EML5: variants seen among roughly 807,000 people sequenced by gnomAD.
EML5 encodes EMAP like 5, also known as echinoderm microtubule-associated protein-like 5.
In EML5, 120 loss-of-function variants were observed where a neutral mutation model predicts 250.0. The ratio of observed to expected loss-of-function variants is 0.48; its 90% CI spans 0.41 to 0.56. The LOEUF is 0.56. Ranked by LOEUF, EML5 falls within the 20% of genes least tolerant of loss-of-function variation. The pLI, the probability that EML5 is intolerant of heterozygous loss-of-function variation, is 0.00. For missense variants in EML5, 2,006 were observed against 2,437.6 expected, an observed-to-expected ratio of 0.82 and a Z score of 3.73; for synonymous variants, 771 against 806.5, an observed-to-expected ratio of 0.96 and a Z score of 0.75.
Position 88,618,634 on chromosome 14 carries a change from A to C in EML5, c.5538+16T>G. On this transcript the variant is annotated intron_variant, in intron 40 of 43. Coordinates refer to ENST00000554922, the MANE Select transcript of EML5 (RefSeq NM_183387.3). ...AGAAGAACTTGCCACCTGGGTATACAGTATTGGTACTGTACCTGGAGATAA... is the reference window on the plus strand; with the variant it reads ...AGAAGAACTTGCCACCTGGGTATACCGTATTGGTACTGTACCTGGAGATAA... 6.3e-7 allele frequency: 1 copy of C among 1,598,258 alleles called. No homozygotes were observed. Among genetic ancestry groups the C allele is most frequent in the Non-Finnish European group, 8.5e-7 (1 of 1,173,766 alleles).
At chr14:88,622,794 A>G (rs184503352) in intron 36 of EML5, 76 bp from the exon 37 acceptor site, 1 of 970,054 alleles carries the variant, frequency 1.0e-6, no homozygotes, top group African/African-American at 2.1e-5. Flanking sequence ...ATACCAAGTT[A>G]TAAGCAGAAT....
intron 41 of EML5, 189 bp from the exon 42 acceptor site, chr14:88,617,068 CATTTT>C: frequency 2.2e-6 from 1 of 454,292 alleles, no homozygotes; most frequent in African/African-American, 1.9e-5. Context: ...TTAAAAATGA[CATTTT>C]ATAATTTGAA....
chr14:88,727,658 A>G (rs1159901335), intron 7 of EML5, among the ~76,000 whole-genome samples: 1 of 152,164 alleles, frequency 6.6e-6, no homozygotes, highest in Admixed American at 6.5e-5. Flanking sequence ...TTGGCCTCCC[A>G]AAGTGCTGGG....
intron 21 of EML5, among the ~76,000 whole-genome samples, chr14:88,666,137 C>A (rs1030113636): frequency 1.3e-5 from 2 of 152,044 alleles, no homozygotes; most frequent in Non-Finnish European, 2.9e-5. Flanking sequence ...CATAAAAAGC[C>A]AATGATATAT....
At chr14:88,672,067 G>GA (rs1438663773) in intron 21 of EML5, among the ~76,000 whole-genome samples, 1 of 152,126 alleles carries the variant, frequency 6.6e-6, no homozygotes, top group Non-Finnish European at 1.5e-5. Flanking sequence ...GATATCTACA[G>GA]AACTCTCCAA....
At chr14:88,688,848 T>C (rs2092897451) in intron 17 of EML5, among the ~76,000 whole-genome samples, 1 of 152,244 alleles carries the variant, frequency 6.6e-6, no homozygotes, top group Non-Finnish European at 1.5e-5. Context: ...AACTGAAATG[T>C]CATGCCAACC....
intron 9 of EML5, among the ~76,000 whole-genome samples, chr14:88,713,116 G>T (rs1221749363): frequency 6.6e-6 from 1 of 152,162 alleles, no homozygotes; most frequent in Non-Finnish European, 1.5e-5. Flanking sequence ...CAGTGGCTGG[G>T]TGCAGTGGCT....
chr14:88,733,975 A>T (rs1361924589), intron 7 of EML5, among the ~76,000 whole-genome samples: 1 of 151,796 alleles, frequency 6.6e-6, no homozygotes, highest in Non-Finnish European at 1.5e-5. Flanking sequence ...CAACAACAAC[A>T]AGAATTTTTG....
intron 1 of EML5, among the ~76,000 whole-genome samples, chr14:88,789,683 T>A (rs1452450899): frequency 8.2e-6 from 1 of 121,844 alleles, no homozygotes; most frequent in Non-Finnish European, 1.7e-5. Context: ...GAGAAAATGA[T>A]GAAATGTCAT....
intron 25 of EML5, among the ~76,000 whole-genome samples, chr14:88,659,353 G>A (rs1365690574): frequency 2.6e-5 from 4 of 151,950 alleles, no homozygotes; most frequent in African/African-American, 9.7e-5. Flanking sequence ...TGGGAATACA[G>A]GGACCCGCCA....
chr14:88,637,599 C>T (rs1403282192), intron 32 of EML5, among the ~76,000 whole-genome samples: 1 of 152,062 alleles, frequency 6.6e-6, no homozygotes, highest in Non-Finnish European at 1.5e-5. Flanking sequence ...GTAAGTAGCC[C>T]ATATCCCCAG....
Position 88,638,872 on chromosome 14 carries a change from T to C in EML5, c.4273A>G (p.Ile1425Val). ...TGCTGGTTTACTGTGAGGCACAGAATATCATCATTATGTTCCTGATAAAAA... is the reference window on the plus strand; with the variant it reads ...TGCTGGTTTACTGTGAGGCACAGAACATCATCATTATGTTCCTGATAAAAA... ...QSFYQEHNDD[I>V]LCLTVNQHPK... Residue 1425 changes from isoleucine (I) to valine (V), a missense_variant, in exon 32 of 44, where the codon ATT becomes GTT. Physicochemically the swap from Ile to Val is conservative, Grantham distance 29. Transcript: ENST00000554922. 6.3e-7 allele frequency: 1 copy of C among 1,595,134 alleles called. No homozygotes were observed. The highest frequency in any genetic ancestry group is 8.5e-7 in the Non-Finnish European group (1 of 1,170,310).
intron 14 of EML5, among the ~76,000 whole-genome samples, chr14:88,697,845 C>A (rs917247448): frequency 2.0e-5 from 3 of 152,120 alleles, no homozygotes; most frequent in Non-Finnish European, 4.4e-5. Context: ...AGGTGATTCT[C>A]TTACCTCAGC....
chr14:88,734,863 G>A (rs1030656809), intron 7 of EML5, among the ~76,000 whole-genome samples: 10 of 152,006 alleles, frequency 6.6e-5, no homozygotes, highest in African/African-American at 2.2e-4. Flanking sequence ...AGGGAAGGAA[G>A]AAAGCTGTAG....
At chr14:88,693,461 GA>G (rs2093004662) in intron 17 of EML5, among the ~76,000 whole-genome samples, 1 of 152,156 alleles carries the variant, frequency 6.6e-6, no homozygotes, top group Non-Finnish European at 1.5e-5. Flanking sequence ...ACTTCCACAA[GA>G]ACAGTATGGC....
rs142634209 is a variant in EML5, at chr14:88,769,913, T to C, written c.198-15242A>G. On this transcript the variant is annotated intron_variant, in intron 1 of 43. Coordinates refer to ENST00000554922, the MANE Select transcript of EML5 (RefSeq NM_183387.3). Reference sequence around the variant, plus strand: ...TAGTAGACACAAAGACAGTTCAGAATTGGTAGCCCTGTGGAGGACAATTTT... The same window carrying C: ...TAGTAGACACAAAGACAGTTCAGAACTGGTAGCCCTGTGGAGGACAATTTT... 2.5e-3 allele frequency among the ~76,000 whole-genome samples: 382 copies of C among 152,258 alleles called. 2 individuals are homozygous for C. Among genetic ancestry groups the C allele is most frequent in the Admixed American group, 7.3e-3 (112 of 15,296 alleles).
chr14:88,624,789 G>A (rs2089665934), intron 36 of EML5, 181 bp downstream of exon 36: 1 of 697,760 alleles, frequency 1.4e-6, no homozygotes, highest in Non-Finnish European at 2.3e-6. Context: ...AATTGGAAGT[G>A]AATTAAGACC....
intron 14 of EML5, among the ~76,000 whole-genome samples, chr14:88,701,411 G>T (rs1200806298): frequency 6.6e-6 from 1 of 152,152 alleles, no homozygotes; most frequent in Non-Finnish European, 1.5e-5. Flanking sequence ...TCACAACTCA[G>T]AATGTGAGTT....
At chr14:88,786,241 C>T (rs191783789) in intron 1 of EML5, among the ~76,000 whole-genome samples, 3 of 152,278 alleles carry the variant, frequency 2.0e-5, no homozygotes, top group East Asian at 3.9e-4. Context: ...TAGTTTCTAT[C>T]GCATTTTCTC....
Sources: allele counts gnomAD v4.1 joint callset (sites outside exome capture counted in the v4.1 genomes callset), GRCh38; gene constraint gnomAD v4.1.1; transcripts MANE v1.5; gene names NCBI Gene and HGNC (gene_info 2026-07-23, HGNC 2026-07-21).